FERRY3: variants seen among roughly 807,000 people sequenced by gnomAD.
FERRY3 encodes protein C12orf4.
chr12:4,514,021 C>T, the FERRY3 span, among the ~76,000 whole-genome samples: 6 of 150,654 alleles, frequency 4.0e-5, no homozygotes, highest in Non-Finnish European at 5.9e-5. Context: ...TATCCAGAAT[C>T]TACAATGAAC....
chr12:4,499,797 G>A, the FERRY3 span, among the ~76,000 whole-genome samples: 1 of 152,126 alleles, frequency 6.6e-6, no homozygotes, highest in African/African-American at 2.4e-5. Context: ...AAAGAAGAAA[G>A]AGGGGTAAGA....
the FERRY3 span, chr12:4,491,176 C>T: frequency 6.2e-7 from 1 of 1,613,070 alleles, no homozygotes; most frequent in Non-Finnish European, 8.5e-7. Context: ...ATTATGCTCA[C>T]CTTTGACACA....
At chr12:4,520,257 G>A in the FERRY3 span, among the ~76,000 whole-genome samples, 1 of 152,216 alleles carries the variant, frequency 6.6e-6, no homozygotes, top group Non-Finnish European at 1.5e-5. Flanking sequence ...GAGGGCAGGA[G>A]ACAAGAGAGC....
At chr12:4,503,574 G>C in the FERRY3 span, among the ~76,000 whole-genome samples, 3 of 152,048 alleles carry the variant, frequency 2.0e-5, no homozygotes, top group African/African-American at 7.2e-5. Flanking sequence ...TCCTGGTTGT[G>C]TAGGTATACT....
the FERRY3 span, among the ~76,000 whole-genome samples, chr12:4,503,650 C>T: frequency 6.6e-6 from 1 of 152,038 alleles, no homozygotes; most frequent in Admixed American, 6.5e-5. Context: ...CTATCTCAGA[C>T]TTATGATACA....
At chr12:4,535,854 A>G in the FERRY3 span, among the ~76,000 whole-genome samples, 4 of 152,318 alleles carry the variant, frequency 2.6e-5, no homozygotes, top group South Asian at 4.1e-4. The surrounding 1 kb of genome is among the most constrained non-coding windows in gnomAD (Gnocchi z 4.0). Flanking sequence ...AAAACACTCA[A>G]TAAAAGAAAG....
At chr12:4,494,132 C>T in the FERRY3 span, among the ~76,000 whole-genome samples, 745 of 152,036 alleles carry the variant, frequency 4.9e-3, 5 homozygotes, top group African/African-American at 0.017. Flanking sequence ...CGCTACGGAG[C>T]AATGCTGATG....
At chr12:4,526,935 A>G in the FERRY3 span, among the ~76,000 whole-genome samples, 1 of 152,108 alleles carries the variant, frequency 6.6e-6, no homozygotes, top group South Asian at 2.1e-4. Context: ...ACACATATAT[A>G]CATTTCTATA....
the FERRY3 span, among the ~76,000 whole-genome samples, chr12:4,519,203 C>T: frequency 6.6e-6 from 1 of 152,196 alleles, no homozygotes; most frequent in Non-Finnish European, 1.5e-5. This position sits in a 1 kb window ranked among gnomAD's most constrained non-coding sequence, Gnocchi z 4.3. Context: ...TTTAAAATCA[C>T]ATTGTATTTT....
chr12:4,536,007 C>G, the FERRY3 span: 6 of 1,480,808 alleles, frequency 4.1e-6, no homozygotes, highest in Non-Finnish European at 5.4e-6. Flanking sequence ...AAAAAAAAAA[C>G]AGTCCTCACC....
the FERRY3 span, among the ~76,000 whole-genome samples, chr12:4,493,555 G>GTT: frequency 0.12 from 17,916 of 152,146 alleles, 1,168 homozygotes; most frequent in African/African-American, 0.15. Flanking sequence ...ATCCTCTTGG[G>GTT]TTAGGTTCTG....
chr12:4,508,393 A>G, the FERRY3 span, among the ~76,000 whole-genome samples: 1 of 152,224 alleles, frequency 6.6e-6, no homozygotes, highest in Non-Finnish European at 1.5e-5. Context: ...AACAGCCCCA[A>G]TTTTAAAGCT....
At chr12:4,517,340 G>A in the FERRY3 span, 2 of 866,376 alleles carry the variant, frequency 2.3e-6, no homozygotes, top group African/African-American at 3.5e-5. Flanking sequence ...TATGCCTTAA[G>A]TTAGGGCACA....
At chr12:4,517,112 C>T in the FERRY3 span, 10 of 1,597,762 alleles carry the variant, frequency 6.3e-6, no homozygotes, top group South Asian at 1.2e-4. Flanking sequence ...TAAAGTACCA[C>T]CTGTTGGACA....
At chr12:4,521,432 T>C in the FERRY3 span, among the ~76,000 whole-genome samples, 1 of 151,858 alleles carries the variant, frequency 6.6e-6, no homozygotes, top group South Asian at 2.1e-4. Flanking sequence ...CCCAACCCAC[T>C]GTCGAGATAA....
the FERRY3 span, chr12:4,517,995 C>T: frequency 6.9e-7 from 1 of 1,458,078 alleles, no homozygotes; most frequent in Non-Finnish European, 9.4e-7. Flanking sequence ...TAATTCCTTT[C>T]TTTGTAAGAA....
chr12:4,522,084 T>A, the FERRY3 span, among the ~76,000 whole-genome samples: 1 of 152,202 alleles, frequency 6.6e-6, no homozygotes, highest in African/African-American at 2.4e-5. Flanking sequence ...GATGTCAATA[T>A]ATGTTCTTGA....
At chr12:4,500,158 G>A in the FERRY3 span, 2 of 1,613,656 alleles carry the variant, frequency 1.2e-6, no homozygotes, top group East Asian at 2.2e-5. Flanking sequence ...TCATGTACCA[G>A]CAAGAGAGGA....
At chr12:4,515,380 A>C in the FERRY3 span, among the ~76,000 whole-genome samples, 1 of 152,212 alleles carries the variant, frequency 6.6e-6, no homozygotes, top group Non-Finnish European at 1.5e-5. Context: ...TCATTTTGGC[A>C]TTAGTCACAA....
Sources: allele counts gnomAD v4.1 joint callset (sites outside exome capture counted in the v4.1 genomes callset), GRCh38; gene constraint gnomAD v4.1.1; non-coding constraint Gnocchi (gnomAD v3.1); transcripts MANE v1.5; gene names NCBI Gene and HGNC (gene_info 2026-07-23, HGNC 2026-07-21).